The following ZNF500 variants were observed in gnomAD, a reference collection of about 807,000 sequenced individuals.
The protein encoded by ZNF500 is zinc finger protein 500.
ZNF500 carries 31 observed loss-of-function variants against 30.1 expected under a neutral mutation model. The ratio of observed to expected loss-of-function variants is 1.03; its 90% confidence interval spans 0.77 to 1.39. The LOEUF (loss-of-function observed/expected upper bound fraction) is 1.39, where lower values mean the gene tolerates loss of function less well. ZNF500 is among the 40% of genes most tolerant of loss of function. ZNF500 has a pLI of 0.00. For synonymous variants in ZNF500, 392 were observed against 282.0 expected (o/e 1.39, Z -3.91); for missense variants, 817 against 657.8 (o/e 1.24, Z -2.65).
chr16:4,766,119 C>T (rs2082263132), intron 1 of ZNF500, 43 bp from the exon 2 acceptor site: 7 of 1,039,928 alleles, frequency 6.7e-6, no homozygotes. Context: ...AGCCCTGGGG[C>T]TGGATAAGCC....
chr16:4,765,589 C>G lies in ZNF500; in HGVS notation c.390G>C (p.Arg130=). The part of the protein sequence containing the change: ...EAVVLVEGLQ[R]KPRKHRQRGS... ...CCCGCTGCCTGTGTTTCCTGGGCTT[C>G]CGCTGCAGCCCTTCCACAAGGACCA... The change falls in exon 2 of 6, where the codon CGG becomes CGC. Residue 130 remains arginine (R), a synonymous_variant. Coordinates refer to ENST00000219478, the MANE Select transcript of ZNF500 (RefSeq NM_021646.4). 1 of 1,604,386 alleles carries G rather than the reference C, an allele frequency of 6.2e-7. No individual in the cohort carries two copies. Among genetic ancestry groups the G allele is most frequent in the Non-Finnish European group, 8.5e-7 (1 of 1,174,346 alleles).
Position 4,749,311 on chromosome 16 carries a change from C to A in ZNF500, c.*3065G>T, listed in dbSNP as rs564709784. On this transcript the variant is annotated 3_prime_UTR_variant, in exon 6 of 6. Coordinates refer to ENST00000219478, the MANE Select transcript of ZNF500 (RefSeq NM_021646.4). ...CTTTTTTTTTCTTCAACCCCATTTT[C>A]TTCCATTTCTCCCACCTTTTTAATG... 2.6e-5 allele frequency: 4 copies of A among 154,464 alleles called. No individual in the cohort carries two copies. The highest frequency in any genetic ancestry group is 5.9e-5 in the Non-Finnish European group (4 of 68,230). The allele number at this position is 154,464 out of a possible 1,614,324, so 9.6% of individuals were successfully genotyped here.
chr16:4,749,953 G>A lies in ZNF500; in HGVS notation c.*2423C>T, dbSNP rs1567513268. 6.6e-6 allele frequency: 1 copy of A among 152,496 alleles called. No individual in the cohort carries two copies. The highest frequency in any genetic ancestry group is 3.4e-3 in the Middle Eastern group (1 of 292). 9.4% of individuals were successfully genotyped at this position (152,496 alleles called of 1,614,324 possible). Reference sequence around the variant, plus strand: ...CGTGAGTGCTGAGGATGACGCCCATGAGATGGGGCCAAGCAGCAGGCAGCG... The same window carrying A: ...CGTGAGTGCTGAGGATGACGCCCATAAGATGGGGCCAAGCAGCAGGCAGCG... On this transcript the variant is annotated 3_prime_UTR_variant, in exon 6 of 6. Coordinates refer to ENST00000219478, the MANE Select transcript of ZNF500 (RefSeq NM_021646.4).
intron 5 of ZNF500, among the ~76,000 whole-genome samples, chr16:4,760,139 G>C (rs1381097378): frequency 1.3e-5 from 2 of 152,204 alleles, no homozygotes; most frequent in African/African-American, 4.8e-5. Context: ...GACGGTGCTG[G>C]GTAACAGGCA....
In ZNF500 at chr16:4,752,952, C is replaced by G. The variant is rs184015055; in HGVS notation, c.867G>C (p.Pro289=). The G allele has an allele frequency of 1.2e-6, 2 of 1,610,480 alleles. No homozygotes were observed. Among genetic ancestry groups the G allele is most frequent in the Admixed American group, 1.7e-5 (1 of 59,932 alleles). The change falls in exon 6 of 6, where the codon CCG becomes CCC. Residue 289 remains proline (P), a synonymous_variant. Transcript: ENST00000219478. The stretch of plus-strand genomic sequence containing the variant: ...CTGGGGCTGGCCTCTGACCTGGGAG[C>G]GGGTGGCCAGGCCCCTGGCATCGTG... ...LSARCQGPGH[P]LPGQRPAPVR...
At position 4,751,685 on chromosome 16, in the gene ZNF500, A is replaced by C; in HGVS notation, c.*691T>G. The C allele has an allele frequency of 6.6e-7, 1 of 1,513,876 alleles. No individual in the cohort carries two copies. The highest frequency in any genetic ancestry group is 1.2e-5 in the South Asian group (1 of 83,596). 93.8% of individuals were successfully genotyped at this position (1,513,876 alleles called of 1,614,324 possible). ...TTATTTGGAAACACGGGTTTTGATG[A>C]TATAATTAGTTAAGATGAGGTCACA... On this transcript the variant is annotated 3_prime_UTR_variant, in exon 6 of 6. Coordinates refer to ENST00000219478, the MANE Select transcript of ZNF500 (RefSeq NM_021646.4).
rs180974383 is a variant in ZNF500, at chr16:4,766,023, C to T, written c.-45G>A. 1,460 of 1,509,882 alleles carry T rather than the reference C, an allele frequency of 9.7e-4. 5 individuals carry two copies. The Middle Eastern group carries it at 0.023, about 24-fold the overall frequency. 93.5% of individuals were successfully genotyped at this position (1,509,882 alleles called of 1,614,324 possible). A position where few individuals can be genotyped will look rare whatever the true frequency, so the allele number is the denominator to read the frequency against. On this transcript the variant is annotated 5_prime_UTR_variant, in exon 2 of 6. Transcript: ENST00000219478. ...TCCTTTTCAGGCCTTAGAGTTGAAC[C>T]TGTCTCTCTCTATACCTCTGGCCAG...
In ZNF500 at chr16:4,757,705, C is replaced by T. The variant is rs370298629; in HGVS notation, c.760+2787G>A. 9.9e-5 allele frequency among the ~76,000 whole-genome samples: 15 copies of T among 151,916 alleles called. No individual in the cohort carries two copies. The East Asian group carries it at 2.1e-3, about 22-fold the overall frequency. On this transcript the variant is annotated intron_variant, in intron 5 of 5. Coordinates refer to ENST00000219478, the MANE Select transcript of ZNF500 (RefSeq NM_021646.4). ...GCAACCTCCGCCTCCCGGGTTCAAG[C>T]GATTCTCCTGCCTCAGCCTCCCGAG...
chr16:4,752,211 G>C lies in ZNF500; in HGVS notation c.*165C>G. On this transcript the variant is annotated 3_prime_UTR_variant, in exon 6 of 6. Coordinates refer to ENST00000219478, the MANE Select transcript of ZNF500 (RefSeq NM_021646.4). ...GCCCTTGTTCTGCACCCAGTGCCCA[G>C]CTTCCTCTGCGGCCTGGGCATCCCA... 1 of 1,420,364 alleles carries C rather than the reference G, an allele frequency of 7.0e-7. No individual in the cohort carries two copies. The highest frequency in any genetic ancestry group is 9.1e-7 in the Non-Finnish European group (1 of 1,093,286). 88.0% of individuals were successfully genotyped at this position (1,420,364 alleles called of 1,614,324 possible). A position where few individuals can be genotyped will look rare whatever the true frequency, so the allele number is the denominator to read the frequency against.
rs369223051 is a variant in ZNF500 at position 4,765,930 on chromosome 16, G to C, written c.49C>G (p.Leu17Val). ...LQPLPTLEQD[L>V]EQEEILIVKV... ...ACAATCAGGATCTCTTCCTGTTCCA[G>C]GTCCTGCTCCAAGGTTGGCAGGGGC... The change falls in exon 2 of 6, where the codon CTG becomes GTG. Residue 17 changes from leucine to valine, a missense_variant. By Grantham distance (32) the Leu-to-Val change is conservative. Coordinates refer to ENST00000219478, the MANE Select transcript of ZNF500 (RefSeq NM_021646.4). 4 of 1,602,846 alleles carry C rather than the reference G, an allele frequency of 2.5e-6. No individual in the cohort carries two copies. The highest frequency in any genetic ancestry group is 2.6e-6 in the Non-Finnish European group (3 of 1,175,292).
In ZNF500 at chr16:4,760,614, C is replaced by T. The variant is rs376523992; in HGVS notation, c.664-26G>A. On this transcript the variant is annotated intron_variant, in intron 4 of 5. Coordinates refer to ENST00000219478, the MANE Select transcript of ZNF500 (RefSeq NM_021646.4). ...CTGCCAGAACGCACCCCACTCAGTCCTGGCCCCAAGCAAGCTGCCTCCTCC... is the reference window on the plus strand; with the variant it reads ...CTGCCAGAACGCACCCCACTCAGTCTTGGCCCCAAGCAAGCTGCCTCCTCC... The T allele has an allele frequency of 3.1e-5, 49 of 1,605,358 alleles. No homozygotes were observed. In the African/African-American group the frequency reaches 5.5e-4, roughly 18 times the overall value.
At position 4,751,161 on chromosome 16, in the gene ZNF500, G is replaced by A. The variant is rs889959432; in HGVS notation, c.*1215C>T. 1.9e-5 allele frequency: 3 copies of A among 162,134 alleles called. No homozygotes were observed. The highest frequency in any genetic ancestry group is 4.0e-5 in the Non-Finnish European group (3 of 74,956). The allele number at this position is 162,134 out of a possible 1,614,324, so 10.0% of individuals were successfully genotyped here. On this transcript the variant is annotated 3_prime_UTR_variant, in exon 6 of 6. Coordinates refer to ENST00000219478, the MANE Select transcript of ZNF500 (RefSeq NM_021646.4). ...CCAGTGGTTTCCATAGCTGCCCTAC[G>A]ACTTCCGAGATGACTAAACCCACCA...
At chr16:4,760,733 T>C (rs1596502721) in intron 4 of ZNF500, 145 bp from the exon 5 acceptor site, 5 of 667,660 alleles carry the variant, frequency 7.5e-6, no homozygotes, top group African/African-American at 1.8e-5. Flanking sequence ...TCCACTCTCG[T>C]TGCAGTGGTG....
At chr16:4,747,178 C>A (rs1049954827), downstream of ZNF500, 6 of 1,204,998 alleles carry the variant, frequency 5.0e-6, no homozygotes, top group Non-Finnish European at 7.0e-6. Flanking sequence ...TCATCCTGCC[C>A]ACGTCCACTG....
In ZNF500 at chr16:4,751,471, G is replaced by GC. The variant is rs2082076886; in HGVS notation, c.*904dup. On this transcript the variant is annotated 3_prime_UTR_variant, in exon 6 of 6. Transcript: ENST00000219478. Reference sequence around the variant, plus strand: ...TGCTTTCCCGCCCCAGGTGTCTTCCGCCCTGCAGAGCAGCTATGGATCTGC... The same window carrying GC: ...TGCTTTCCCGCCCCAGGTGTCTTCCGCCCCTGCAGAGCAGCTATGGATCTGC... The GC allele has an allele frequency of 8.7e-7, 1 of 1,150,832 alleles. No individual in the cohort carries two copies. The highest frequency in any genetic ancestry group is 1.6e-5 in the African/African-American group (1 of 63,950). The allele number at this position is 1,150,832 out of a possible 1,614,324, so 71.3% of individuals were successfully genotyped here.
At position 4,751,745 on chromosome 16, in the gene ZNF500, G is replaced by T; in HGVS notation, c.*631C>A. 1 of 1,141,792 alleles carries T rather than the reference G, an allele frequency of 8.8e-7. No homozygotes were observed. The highest frequency in any genetic ancestry group is 1.3e-6 in the Non-Finnish European group (1 of 792,604). The allele number at this position is 1,141,792 out of a possible 1,614,324, so 70.7% of individuals were successfully genotyped here. A position where few individuals can be genotyped will look rare whatever the true frequency, so the allele number is the denominator to read the frequency against. ...GGGACCCTAAACCCAGTGAGTGGTG[G>T]CCCTACCAAAAAAGAGACTGGGCAT... On this transcript the variant is annotated 3_prime_UTR_variant, in exon 6 of 6. Transcript: ENST00000219478.
chr16:4,756,561 G>A (rs569874103), intron 5 of ZNF500: 2 of 152,074 alleles, frequency 1.3e-5, no homozygotes, highest in Non-Finnish European at 2.9e-5. Context: ...TTGTCGCCCA[G>A]GCTGGTGTGT....
downstream of ZNF500, chr16:4,746,379 G>A: frequency 6.2e-7 from 1 of 1,611,328 alleles, no homozygotes; most frequent in African/African-American, 1.3e-5. Flanking sequence ...TTTCAGATGT[G>A]CCTCAAGGAA....
rs1251384255 is a variant in ZNF500, at chr16:4,765,717, G to C, written c.262C>G (p.Gln88Glu). Residue 88 changes from glutamine to glutamate, a missense_variant, in exon 2 of 6, where the codon CAG becomes GAG. Transcript: ENST00000219478. Reference sequence around the variant, plus strand: ...TCCAGCACCAGCAGCTCCAGGATCTGCTCCTTGGTGCGCAGCTCCGGCCGC... The same window carrying C: ...TCCAGCACCAGCAGCTCCAGGATCTCCTCCTTGGTGCGCAGCTCCGGCCGC... ...WLRPELRTKE[Q>E]ILELLVLEQF... 16 of 1,613,522 alleles carry C rather than the reference G, an allele frequency of 9.9e-6. No individual in the cohort carries two copies. Among genetic ancestry groups the C allele is most frequent in the African/African-American group, 1.3e-5 (1 of 75,056 alleles).
Sources: gnomAD v4.1 joint callset for allele counts (sites outside exome capture counted in the v4.1 genomes callset) on GRCh38, gnomAD v4.1.1 for gene constraint, MANE v1.5 for transcripts, NCBI Gene and HGNC (gene_info 2026-07-23, HGNC 2026-07-21) for gene names.